The following CADPS2 variants were observed in gnomAD, a reference collection of about 807,000 sequenced individuals.
CADPS2 encodes the protein calcium dependent secretion activator 2, also known as calcium-dependent secretion activator 2.
In CADPS2, 93 loss-of-function variants were observed where a neutral mutation model predicts 172.5. The observed-to-expected ratio is 0.54, with a 90% confidence interval of 0.46 to 0.64. The LOEUF is 0.64. Among genes scored for constraint, CADPS2 ranks in the 30% least tolerant of loss-of-function variants. The pLI is 0.00. For synonymous variants in CADPS2, 546 were observed against 555.2 expected, an observed-to-expected ratio of 0.98 and a Z score of 0.23; for missense variants, 1,420 against 1,565.9, an observed-to-expected ratio of 0.91 and a Z score of 1.57.
At chr7:122,471,192 G>T (rs1201612274) in intron 14 of CADPS2, among the ~76,000 whole-genome samples, 183 bp downstream of exon 14, 1 of 151,086 alleles carries the variant, frequency 6.6e-6, no homozygotes, top group Non-Finnish European at 1.5e-5. Flanking sequence ...AACATAAAGT[G>T]TAGCCCACCT....
chr7:122,858,783 TAAATG>T (rs1816068895), intron 1 of CADPS2, among the ~76,000 whole-genome samples: 1 of 152,150 alleles, frequency 6.6e-6, no homozygotes, highest in African/African-American at 2.4e-5. Context: ...AACTCTAAAA[TAAATG>T]AAAACATTGG....
intron 6 of CADPS2, among the ~76,000 whole-genome samples, chr7:122,595,395 T>C (rs1231458325): frequency 6.6e-6 from 1 of 152,208 alleles, no homozygotes; most frequent in East Asian, 1.9e-4. Flanking sequence ...GGGGTTATGT[T>C]CTTTGGGGCC....
At chr7:122,671,050 A>G (rs904828185) in intron 2 of CADPS2, among the ~76,000 whole-genome samples, 1 of 152,060 alleles carries the variant, frequency 6.6e-6, no homozygotes, top group Non-Finnish European at 1.5e-5. Flanking sequence ...CTACTCAGGA[A>G]TTTCTTCCCC....
chr7:122,379,150 T>C, intron 25 of CADPS2: 1 of 385,432 alleles, frequency 2.6e-6, no homozygotes, highest in African/African-American at 2.1e-5. Flanking sequence ...ACAACAATTG[T>C]AGGAAAAGCC....
intron 7 of CADPS2, among the ~76,000 whole-genome samples, chr7:122,566,523 C>T (rs1162207883): frequency 6.6e-6 from 1 of 152,040 alleles, no homozygotes; most frequent in Non-Finnish European, 1.5e-5. Flanking sequence ...CCTAAATGTC[C>T]ATCAGTGAAT....
intron 24 of CADPS2, among the ~76,000 whole-genome samples, chr7:122,384,351 A>C (rs2043369358): frequency 6.6e-6 from 1 of 152,086 alleles, no homozygotes; most frequent in Non-Finnish European, 1.5e-5. Context: ...TTTCTTTATA[A>C]TTTAGAAAAA....
At chr7:122,586,596 T>C (rs1005204119) in intron 6 of CADPS2, among the ~76,000 whole-genome samples, 6 of 152,022 alleles carry the variant, frequency 3.9e-5, no homozygotes, top group Non-Finnish European at 7.4e-5. Context: ...CTTTGCAAGA[T>C]GTTATGTTAT....
At chr7:122,681,104 G>A (rs1341220114) in intron 2 of CADPS2, among the ~76,000 whole-genome samples, 1 of 138,538 alleles carries the variant, frequency 7.2e-6, no homozygotes, top group Non-Finnish European at 1.5e-5. Flanking sequence ...ACAGGAAGGG[G>A]AACATCACAC....
rs151206576 is a variant in CADPS2 at position 122,489,725 on chromosome 7, G to A, written c.1852+356C>T. Among the ~76,000 whole-genome samples, 77 of 152,134 alleles carry A rather than the reference G, an allele frequency of 5.1e-4. 1 individual carries two copies. The highest frequency in any genetic ancestry group is 3.4e-3 in the Middle Eastern group (1 of 294). ...TTTGGTATTCTGAAATCCTATCAAAGCAAATTTGATTTTGCAATACTTTTT... is the reference window on the plus strand; with the variant it reads ...TTTGGTATTCTGAAATCCTATCAAAACAAATTTGATTTTGCAATACTTTTT... On this transcript the variant is annotated intron_variant, in intron 11 of 29. Transcript: ENST00000449022.
rs748510175 is a variant in CADPS2, at chr7:122,581,224, T to C, written c.1290A>G (p.Thr430=). The C allele has an allele frequency of 1.9e-6, 3 of 1,613,328 alleles. No individual in the cohort carries two copies. In the African/African-American group the frequency reaches 4.0e-5, roughly 22 times the overall value. ...CCAGGGCCAGAACTCCAGTGCTTTC[T>C]GTGAAGAGTTTCACTTTGACCACAG... ...PRPVVKVKLF[T]ESTGVLALED... The change falls in exon 7 of 30, where the codon ACA becomes ACG. Residue 430 remains threonine (T), a synonymous_variant. Transcript: ENST00000449022.
At position 122,360,799 on chromosome 7, in the gene CADPS2, C is replaced by G; in HGVS notation, c.3493G>C (p.Val1165Leu). 1 of 1,559,506 alleles carries G rather than the reference C, an allele frequency of 6.4e-7. No individual in the cohort carries two copies. The highest frequency in any genetic ancestry group is 8.7e-7 in the Non-Finnish European group (1 of 1,152,278). The change falls in exon 27 of 30, where the codon GTT becomes CTT. Residue 1165 changes from valine to leucine, a missense_variant. Physicochemically the swap from Val to Leu is conservative, Grantham distance 32 (BLOSUM62 1). Coordinates refer to ENST00000449022, the MANE Select transcript of CADPS2 (RefSeq NM_017954.11). ...TAAAAAATACTTACTGGAACATCAA[C>G]ATATTTTGCAGCTGCTTTCACCTTA... ...SFTVKAAAKY[V>L]DVPKPGMDLA...
chr7:122,514,883 T>C (rs1563563310), intron 8 of CADPS2, among the ~76,000 whole-genome samples: 10 of 152,142 alleles, frequency 6.6e-5, no homozygotes. Flanking sequence ...GATTCAAAAC[T>C]ACACACATAG....
chr7:122,682,931 A>G (rs1485593365), intron 2 of CADPS2, among the ~76,000 whole-genome samples: 1 of 152,196 alleles, frequency 6.6e-6, no homozygotes, highest in Non-Finnish European at 1.5e-5. Context: ...AGAACATGCA[A>G]GCAAGCAATT....
chr7:122,495,250 T>TA (rs958613485), intron 9 of CADPS2, among the ~76,000 whole-genome samples: 2 of 152,118 alleles, frequency 1.3e-5, no homozygotes, highest in Non-Finnish European at 2.9e-5. Context: ...GTGTCTTTTT[T>TA]AAAAAAGGAC....
chr7:122,825,125 TGAG>T (rs1332653164), intron 1 of CADPS2, among the ~76,000 whole-genome samples: 1 of 152,148 alleles, frequency 6.6e-6, no homozygotes, highest in Admixed American at 6.5e-5. Context: ...AGTAACTGGA[TGAG>T]GAGGGAGGTT....
chr7:122,380,543 T>C (rs2042876001), intron 24 of CADPS2, among the ~76,000 whole-genome samples: 1 of 152,056 alleles, frequency 6.6e-6, no homozygotes, highest in South Asian at 2.1e-4. Context: ...TGCTTTGGAA[T>C]ACTCAGGAAT....
At chr7:122,633,440 T>G (rs1370078137) in intron 3 of CADPS2, among the ~76,000 whole-genome samples, 1 of 152,126 alleles carries the variant, frequency 6.6e-6, no homozygotes, top group Non-Finnish European at 1.5e-5. Context: ...CTGGGTTTTT[T>G]GTTTGGTGTG....
chr7:122,844,301 C>A (rs1208415200), intron 1 of CADPS2, among the ~76,000 whole-genome samples: 1 of 152,192 alleles, frequency 6.6e-6, no homozygotes, highest in Non-Finnish European at 1.5e-5. Context: ...GTGGTAATCA[C>A]GCCCTTTCAT....
chr7:122,468,543 G>A (rs926639255), intron 14 of CADPS2, among the ~76,000 whole-genome samples: 2 of 152,022 alleles, frequency 1.3e-5, no homozygotes, highest in Non-Finnish European at 2.9e-5. Context: ...ATCCTCTTGG[G>A]TTAAATGGCA....
Sources: allele counts gnomAD v4.1 joint callset (sites outside exome capture counted in the v4.1 genomes callset), GRCh38; gene constraint gnomAD v4.1.1; transcripts MANE v1.5; gene names NCBI Gene and HGNC (gene_info 2026-07-23, HGNC 2026-07-21).